USP13: variants seen among roughly 807,000 people sequenced by gnomAD.
USP13 encodes ubiquitin specific peptidase 13, also known as ubiquitin carboxyl-terminal hydrolase 13.
A neutral mutation model predicts 107.8 loss-of-function variants in USP13; 68 were observed. The observed-to-expected ratio is 0.63, with a 90% CI of 0.52 to 0.77. The LOEUF (loss-of-function observed/expected upper bound fraction) is 0.77, where lower values mean the gene tolerates loss of function less well. Ranked by LOEUF, USP13 falls within the 30% of genes least tolerant of loss-of-function variation. The probability of loss-of-function intolerance (pLI) is 0.00; values close to 1 mark genes in which losing one functional copy is unlikely to be tolerated. For missense variants in USP13, 945 were observed against 1,093.3 expected, an observed-to-expected ratio of 0.86 and a Z score of 1.91; for synonymous variants, 377 against 389.5, an observed-to-expected ratio of 0.97 and a Z score of 0.38.
chr3:179,720,119 T>C, intron 7 of USP13, 85 bp downstream of exon 7: 2 of 980,826 alleles, frequency 2.0e-6, no homozygotes, highest in Non-Finnish European at 3.0e-6. Context: ...TTATTTAATA[T>C]ATAATTCCTC....
chr3:179,692,941 G>C lies in USP13; in HGVS notation c.355+2640G>C, dbSNP rs538353521. Among the ~76,000 whole-genome samples, 6 of 152,168 alleles carry C rather than the reference G, an allele frequency of 3.9e-5. No homozygotes were observed. The East Asian group carries it at 9.7e-4, about 25-fold the overall frequency. On this transcript the variant is annotated intron_variant, in intron 3 of 20. Transcript: ENST00000263966. ...ACTACCTACCATTTTGTTTCAGTGA[G>C]GCTTTTTCTACAGGTTATTCTCTGT...
intron 1 of USP13, among the ~76,000 whole-genome samples, chr3:179,665,693 C>T (rs1720566954): frequency 6.6e-6 from 1 of 152,078 alleles, no homozygotes; most frequent in Non-Finnish European, 1.5e-5. Context: ...TCCAGTGATT[C>T]TTGTGCCTCA....
At chr3:179,737,804 T>C (rs1301313139) in intron 10 of USP13, among the ~76,000 whole-genome samples, 1 of 152,234 alleles carries the variant, frequency 6.6e-6, no homozygotes, top group African/African-American at 2.4e-5. Context: ...TGTGTATGTC[T>C]CTCATCTCCT....
At chr3:179,705,700 T>C (rs1227046017) in intron 4 of USP13, among the ~76,000 whole-genome samples, 1 of 152,116 alleles carries the variant, frequency 6.6e-6, no homozygotes, top group Non-Finnish European at 1.5e-5. Flanking sequence ...ATTTGGGTTG[T>C]TTCCATTATT....
At chr3:179,718,782 G>C (rs1713196926) in intron 6 of USP13, among the ~76,000 whole-genome samples, 1 of 149,620 alleles carries the variant, frequency 6.7e-6, no homozygotes, top group African/African-American at 2.5e-5. Flanking sequence ...TTTTTTTTTT[G>C]AGATAGAGTC....
chr3:179,757,927 G>A (rs182420970), intron 16 of USP13, among the ~76,000 whole-genome samples: 23 of 152,244 alleles, frequency 1.5e-4, no homozygotes, highest in African/African-American at 5.3e-4. Flanking sequence ...TTCCCACTGC[G>A]AATAATCTAA....
chr3:179,710,244 C>G (rs1712873615), intron 6 of USP13, among the ~76,000 whole-genome samples: 2 of 152,118 alleles, frequency 1.3e-5, no homozygotes, highest in African/African-American at 4.8e-5. Context: ...AGGGTTACAG[C>G]GCGGTGTTTA....
At chr3:179,734,910 A>G (rs749559464) in intron 10 of USP13, among the ~76,000 whole-genome samples, 5 of 152,180 alleles carry the variant, frequency 3.3e-5, no homozygotes, top group African/African-American at 7.2e-5. Context: ...CTTATTAATT[A>G]AAGCATTCGG....
intron 8 of USP13, among the ~76,000 whole-genome samples, chr3:179,727,017 A>T (rs1326918048): frequency 6.6e-6 from 1 of 151,436 alleles, no homozygotes; most frequent in African/African-American, 2.4e-5. Context: ...CACCTCTCAA[A>T]TGAGGATAAT....
rs766816975 is a variant in USP13, at chr3:179,690,313, T to A, written c.355+12T>A. The A allele has an allele frequency of 6.2e-7, 1 of 1,612,734 alleles. No homozygotes were observed. The highest frequency in any genetic ancestry group is 8.5e-7 in the Non-Finnish European group (1 of 1,178,988). On this transcript the variant is annotated intron_variant, in intron 3 of 20. Coordinates refer to ENST00000263966, the MANE Select transcript of USP13 (RefSeq NM_003940.3). ...CAAGATTTTTTTAGGTAAATAGTTA[T>A]CAGTAGCATGCTCAGATTTTGTGTT...
At chr3:179,744,797 C>T (rs1220211438) in intron 12 of USP13, among the ~76,000 whole-genome samples, 1 of 152,142 alleles carries the variant, frequency 6.6e-6, no homozygotes, top group Non-Finnish European at 1.5e-5. Context: ...GCTCACACTT[C>T]CCTCCTGTCA....
At chr3:179,740,015 T>A (rs900625652) in intron 10 of USP13, among the ~76,000 whole-genome samples, 1 of 152,136 alleles carries the variant, frequency 6.6e-6, no homozygotes, top group South Asian at 2.1e-4. Context: ...ATTGTCCTAG[T>A]TTTAAGTAAA....
chr3:179,712,270 C>A (rs1190063917), intron 6 of USP13, among the ~76,000 whole-genome samples: 1 of 152,016 alleles, frequency 6.6e-6, no homozygotes, highest in Non-Finnish European at 1.5e-5. Context: ...TCTTTTCTTT[C>A]AGTTTTAAGA....
intron 13 of USP13, among the ~76,000 whole-genome samples, chr3:179,748,322 A>G (rs1276270811): frequency 6.6e-6 from 1 of 152,188 alleles, no homozygotes; most frequent in Non-Finnish European, 1.5e-5. Context: ...TTTCTGTATT[A>G]TGCTTTATCA....
At chr3:179,694,614 A>G (rs775721470) in intron 3 of USP13, among the ~76,000 whole-genome samples, 2 of 152,034 alleles carry the variant, frequency 1.3e-5, no homozygotes, top group Non-Finnish European at 2.9e-5. Flanking sequence ...AGCCTGGCCA[A>G]CGTGGTGAAA....
At chr3:179,752,445 C>G in intron 14 of USP13, 72 bp downstream of exon 14, 3 of 1,160,398 alleles carry the variant, frequency 2.6e-6, no homozygotes, top group Admixed American at 3.4e-5. Context: ...TGTGAAAGAG[C>G]CCATGTAGTT....
chr3:179,714,870 C>CTTTTT (rs34976120), intron 6 of USP13, among the ~76,000 whole-genome samples: 8 of 137,474 alleles, frequency 5.8e-5, no homozygotes, highest in African/African-American at 8.1e-5. Flanking sequence ...TTTCCTTTTT[C>CTTTTT]TTTTTTTTTT....
chr3:179,674,583 A>T (rs956118694), intron 1 of USP13, among the ~76,000 whole-genome samples: 1 of 151,846 alleles, frequency 6.6e-6, no homozygotes, highest in African/African-American at 2.4e-5. Context: ...TTATTTTATT[A>T]TAGATACTGC....
chr3:179,758,123 G>T (rs946578259), intron 16 of USP13, among the ~76,000 whole-genome samples: 2 of 152,086 alleles, frequency 1.3e-5, no homozygotes, highest in Non-Finnish European at 2.9e-5. Context: ...GAAGGGCAAA[G>T]CAGGTGACAT....
Sources: allele counts gnomAD v4.1 joint callset (sites outside exome capture counted in the v4.1 genomes callset), GRCh38; gene constraint gnomAD v4.1.1; transcripts MANE v1.5; gene names NCBI Gene and HGNC (gene_info 2026-07-23, HGNC 2026-07-21).